Variants in TRIO observed in about 807,000 individuals in gnomAD.
TRIO encodes triple functional domain protein.
Under a neutral mutation model 351.9 loss-of-function variants are expected in TRIO, and 58 were observed. The observed-to-expected ratio is 0.16, with a 90% CI of 0.13 to 0.21. The LOEUF (loss-of-function observed/expected upper bound fraction) is 0.21. TRIO is among the 10% of genes least tolerant of loss of function. TRIO has a pLI of 1.00. For synonymous variants in TRIO, 1,758 were observed against 1,595.7 expected (o/e 1.10, Z -2.42); for missense variants, 3,201 against 4,027.8 (o/e 0.79, Z 5.56).
chr5:14,334,463 C>A (rs1053910783), intron 10 of TRIO, among the ~76,000 whole-genome samples: 1 of 152,140 alleles, frequency 6.6e-6, no homozygotes, highest in African/African-American at 2.4e-5. Flanking sequence ...TAAAAAATAT[C>A]TTTACTTGTT....
chr5:14,437,684 C>CT (rs1751694599), intron 34 of TRIO, among the ~76,000 whole-genome samples: 1 of 107,826 alleles, frequency 9.3e-6, no homozygotes, highest in Non-Finnish European at 1.8e-5. Context: ...TGGATGAGGA[C>CT]CACCCCCCCC....
intron 1 of TRIO, among the ~76,000 whole-genome samples, chr5:14,201,485 G>T (rs967122142): frequency 3.3e-5 from 5 of 152,100 alleles, no homozygotes; most frequent in Non-Finnish European, 7.4e-5. Context: ...GAAATGCTTT[G>T]CTAAGGTCAT....
intron 20 of TRIO, among the ~76,000 whole-genome samples, chr5:14,380,236 TGTG>T (rs1745952915): frequency 6.6e-6 from 1 of 152,116 alleles, no homozygotes; most frequent in African/African-American, 2.4e-5. Context: ...AACAACTAGG[TGTG>T]GTGTTCTCAG....
chr5:14,488,106 C>G lies in TRIO; in HGVS notation c.7478C>G (p.Pro2493Arg). 2 of 1,609,916 alleles carry G rather than the reference C, an allele frequency of 1.2e-6. No homozygotes were observed. The highest frequency in any genetic ancestry group is 1.7e-6 in the Non-Finnish European group (2 of 1,179,202). The change falls in exon 48 of 57, where the codon CCC becomes CGC. Residue 2493 changes from proline to arginine, a missense_variant. Around this residue, in one of 19 missense-constraint regions of TRIO, gnomAD observed 1,089 missense variants for 954.9 expected, o/e 1.14. Transcript: ENST00000344204. ...GSFWSSIPAS[P>R]ASRPGSFTFP... ...TTCTGGAGCTCCATCCCCGCCTCCC[C>G]CGCCAGCCGACCCGGCTCCTTCACC...
intron 1 of TRIO, among the ~76,000 whole-genome samples, chr5:14,218,014 A>C (rs765132955): frequency 1.3e-5 from 2 of 152,246 alleles, no homozygotes; most frequent in Non-Finnish European, 2.9e-5. Flanking sequence ...TGATTAAATA[A>C]ATAAAAGTCT....
In TRIO at chr5:14,297,258, G is replaced by A; in HGVS notation, c.1363G>A (p.Glu455Lys). 3 of 1,613,398 alleles carry A rather than the reference G, an allele frequency of 1.9e-6. No individual in the cohort carries two copies. Among genetic ancestry groups the A allele is most frequent in the Non-Finnish European group, 2.5e-6 (3 of 1,179,634 alleles). The change falls in exon 7 of 57, where the codon GAA becomes AAA. Residue 455 changes from glutamate to lysine, a missense_variant. Coordinates refer to ENST00000344204, the MANE Select transcript of TRIO (RefSeq NM_007118.4). ...GTCCTCCATTTTCCACCAGAAGGCC[G>A]AAAAGGTCAGTGCCTTGAACCCCCA... is the stretch of plus-strand genomic sequence containing the variant. Reference protein sequence around the residue: ...DMSSIFHQKAEKYMSNVDSWC... With the variant: ...DMSSIFHQKAKKYMSNVDSWC...
intron 1 of TRIO, among the ~76,000 whole-genome samples, chr5:14,189,334 A>G (rs1790322044): frequency 6.6e-6 from 1 of 152,186 alleles, no homozygotes. Flanking sequence ...CTTGAATGCT[A>G]TATTTATTAT....
At chr5:14,427,309 T>G (rs1336122584) in intron 34 of TRIO, among the ~76,000 whole-genome samples, 1 of 152,076 alleles carries the variant, frequency 6.6e-6, no homozygotes, top group Non-Finnish European at 1.5e-5. Flanking sequence ...AGGCCAGGTC[T>G]CTCCCCTTAG....
At chr5:14,202,293 G>GTTTTTTTTTTTTTTTTTTTTTTTTTTTT (rs1561196197) in intron 1 of TRIO, among the ~76,000 whole-genome samples, 1 of 34,350 alleles carries the variant, frequency 2.9e-5, no homozygotes, top group Admixed American at 3.5e-4. Context: ...ATATTTTTGT[G>GTTTTTTTTTTTTTTTTTTTTTTTTTTTT]ATTTTTTTTT....
intron 12 of TRIO, among the ~76,000 whole-genome samples, chr5:14,358,688 C>A (rs920041127): frequency 6.6e-6 from 1 of 152,202 alleles, no homozygotes; most frequent in Non-Finnish European, 1.5e-5. Flanking sequence ...AAGGATTGCG[C>A]CCTCAGGCTG....
chr5:14,507,743 G>A (rs185142066), intron 56 of TRIO, 137 bp from the exon 57 acceptor site: 71 of 1,122,128 alleles, frequency 6.3e-5, no homozygotes, highest in Admixed American at 1.9e-4. Context: ...TGAGTGGTCC[G>A]GCCTGCTTTG....
intron 45 of TRIO, 59 bp downstream of exon 45, chr5:14,481,677 T>G: frequency 2.5e-6 from 4 of 1,578,550 alleles, no homozygotes; most frequent in Non-Finnish European, 3.5e-6. Context: ...TCTTTTGTCT[T>G]GGATTATTTC....
chr5:14,357,628 G>C (rs1743741229), intron 11 of TRIO, among the ~76,000 whole-genome samples: 2 of 152,000 alleles, frequency 1.3e-5, no homozygotes, highest in Non-Finnish European at 2.9e-5. Context: ...TGGGGCCTGG[G>C]CTCGTGCCGT....
intron 1 of TRIO, among the ~76,000 whole-genome samples, chr5:14,228,666 G>C (rs955781549): frequency 5.9e-5 from 9 of 152,142 alleles, no homozygotes; most frequent in African/African-American, 1.9e-4. Context: ...GAATGAAATT[G>C]ATATCTGCTT....
chr5:14,304,360 A>G, intron 7 of TRIO, 101 bp from the exon 8 acceptor site: 1 of 1,218,312 alleles, frequency 8.2e-7, no homozygotes, highest in Non-Finnish European at 1.1e-6. Flanking sequence ...AATTCTTAGG[A>G]TCTCCCTCAA....
intron 17 of TRIO, among the ~76,000 whole-genome samples, chr5:14,369,158 G>C (rs966184571): frequency 2.0e-5 from 3 of 152,182 alleles, no homozygotes; most frequent in Non-Finnish European, 2.9e-5. Context: ...GAGAGAGACA[G>C]GATATTTGCT....
intron 33 of TRIO, among the ~76,000 whole-genome samples, chr5:14,409,558 C>T (rs1198343648): frequency 3.9e-5 from 6 of 152,018 alleles, no homozygotes; most frequent in Non-Finnish European, 8.8e-5. Context: ...GTCGGCTGAG[C>T]ACGCGGTGGC....
At chr5:14,175,002 A>G (rs1031008448) in intron 1 of TRIO, among the ~76,000 whole-genome samples, 1 of 152,088 alleles carries the variant, frequency 6.6e-6, no homozygotes, top group African/African-American at 2.4e-5. Flanking sequence ...TTTTCATTTA[A>G]TGTGTGGTAA....
intron 9 of TRIO, among the ~76,000 whole-genome samples, chr5:14,317,467 A>T (rs1019758287): frequency 2.6e-5 from 4 of 152,218 alleles, no homozygotes; most frequent in Admixed American, 6.5e-5. Context: ...AGGGTAGCCC[A>T]TGGCCTCAGG....
Sources: gnomAD v4.1 joint callset for allele counts (sites outside exome capture counted in the v4.1 genomes callset) on GRCh38, gnomAD v4.1.1 for gene constraint, gnomAD v4.1.1 regional missense constraint, MANE v1.5 for transcripts, NCBI Gene and HGNC (gene_info 2026-07-23, HGNC 2026-07-21) for gene names.